PLCH1: variants seen among roughly 807,000 people sequenced by gnomAD.
PLCH1 encodes the protein phospholipase C eta 1, also known as 1-phosphatidylinositol 4,5-bisphosphate phosphodiesterase eta-1.
In PLCH1, 60 loss-of-function variants were observed where a neutral mutation model predicts 126.7. That is an observed-to-expected ratio of 0.47 (90% confidence interval 0.38 to 0.59). PLCH1 has a LOEUF of 0.59. PLCH1 is among the 20% of genes least tolerant of loss of function. The pLI, the probability that PLCH1 is intolerant of heterozygous loss-of-function variation, is 0.00. For missense variants in PLCH1, 1,723 were observed against 2,040.0 expected, an observed-to-expected ratio of 0.84 and a Z score of 2.99; for synonymous variants, 719 against 734.9, an observed-to-expected ratio of 0.98 and a Z score of 0.35.
chr3:155,544,801 G>T (rs1354529218), intron 10 of PLCH1, among the ~76,000 whole-genome samples: 2 of 151,016 alleles, frequency 1.3e-5, no homozygotes, highest in Non-Finnish European at 3.0e-5. Context: ...GGTACATAAC[G>T]AAATGAAGGC....
At chr3:155,617,526 A>G (rs1219302519) in intron 2 of PLCH1, among the ~76,000 whole-genome samples, 1 of 152,202 alleles carries the variant, frequency 6.6e-6, no homozygotes, top group East Asian at 1.9e-4. Flanking sequence ...TTAACAATGA[A>G]GTATACTCCT....
intron 2 of PLCH1, among the ~76,000 whole-genome samples, chr3:155,693,756 C>G (rs394440): frequency 0.4 from 60,580 of 151,870 alleles, 12,829 homozygotes; most frequent in African/African-American, 0.53. Context: ...ATGGTGAAAC[C>G]CCGTCTCAAC....
At chr3:155,631,902 C>CT (rs60843505) in intron 2 of PLCH1, among the ~76,000 whole-genome samples, 1,524 of 140,818 alleles carry the variant, frequency 0.011, 21 homozygotes, top group Non-Finnish European at 0.015. Flanking sequence ...ACAAGAACTC[C>CT]TTTTTTTTTT....
chr3:155,552,753 C>T (rs1250091972), intron 9 of PLCH1, among the ~76,000 whole-genome samples: 1 of 152,094 alleles, frequency 6.6e-6, no homozygotes, highest in African/African-American at 2.4e-5. Flanking sequence ...GGCTTTAAGA[C>T]AAGAATTGAA....
intron 2 of PLCH1, among the ~76,000 whole-genome samples, chr3:155,657,329 A>G (rs186559216): frequency 5.9e-5 from 9 of 152,226 alleles, no homozygotes; most frequent in Non-Finnish European, 1.2e-4. Flanking sequence ...AGAAAAGGGG[A>G]ACCTAGGAAG....
chr3:155,536,279 C>A lies in PLCH1; in HGVS notation c.1363-12275G>T, dbSNP rs113153293. Among the ~76,000 whole-genome samples the A allele has an allele frequency of 7.8e-4, 119 of 152,264 alleles. 3 individuals are homozygous for A. The highest frequency in any genetic ancestry group is 2.8e-3 in the African/African-American group (116 of 41,548). ...AAAAAGCAAGTTTCTTTAACACCCTCAAAAGATCACAATATCTCACCAAGA... is the reference window on the plus strand; with the variant it reads ...AAAAAGCAAGTTTCTTTAACACCCTAAAAAGATCACAATATCTCACCAAGA... On this transcript the variant is annotated intron_variant, in intron 10 of 22. Transcript: ENST00000460012.
At chr3:155,489,049 T>G (rs1715757989) in intron 19 of PLCH1, among the ~76,000 whole-genome samples, 2 of 152,238 alleles carry the variant, frequency 1.3e-5, no homozygotes, top group Admixed American at 6.5e-5. Context: ...TAATCTTTGA[T>G]GCCTAACTGT....
chr3:155,715,606 C>CTTTT (rs763813354), intron 1 of PLCH1, among the ~76,000 whole-genome samples: 5 of 122,758 alleles, frequency 4.1e-5, no homozygotes, highest in African/African-American at 9.3e-5. Context: ...CATCTGGCCT[C>CTTTT]TTTTTTTTTT....
chr3:155,733,945 A>ATATG (rs1486672543), intron 1 of PLCH1, among the ~76,000 whole-genome samples: 64 of 61,726 alleles, frequency 1.0e-3, no homozygotes, highest in South Asian at 5.3e-3. Flanking sequence ...ATATATATAT[A>ATATG]TATATATATA....
intron 10 of PLCH1, among the ~76,000 whole-genome samples, chr3:155,546,390 G>T (rs142041129): frequency 6.6e-6 from 1 of 152,026 alleles, no homozygotes; most frequent in Non-Finnish European, 1.5e-5. Flanking sequence ...AATTAAAGAG[G>T]ATACAAACAA....
intron 5 of PLCH1, 110 bp downstream of exon 5, chr3:155,585,955 A>G: frequency 2.4e-6 from 2 of 833,318 alleles, no homozygotes; most frequent in Admixed American, 2.2e-5. Context: ...AAAACAGTAC[A>G]GAGCACATAT....
At chr3:155,699,007 TTC>T (rs915500087) in intron 2 of PLCH1, among the ~76,000 whole-genome samples, 6 of 151,690 alleles carry the variant, frequency 4.0e-5, no homozygotes, top group African/African-American at 1.5e-4. Context: ...TTTTTAACTC[TTC>T]CTCTCAATTT....
intron 1 of PLCH1, among the ~76,000 whole-genome samples, chr3:155,729,924 C>CAAAA (rs11380418): frequency 8.6e-6 from 1 of 116,374 alleles, no homozygotes; most frequent in Non-Finnish European, 1.9e-5. Flanking sequence ...GACTCCATCT[C>CAAAA]AAAAAAAAAA....
In PLCH1 at chr3:155,594,204, C is replaced by A. The variant is rs1316694557; in HGVS notation, c.227-20G>T. ...TAAGTACTGTGAGGAAAATGAGATA[C>A]ACACAGTTATACAGCAGGCAAAGAT... On this transcript the variant is annotated intron_variant, in intron 3 of 22. Transcript: ENST00000460012. The A allele has an allele frequency of 9.3e-6, 15 of 1,608,332 alleles. No homozygotes were observed. Among genetic ancestry groups the A allele is most frequent in the African/African-American group, 1.4e-5 (1 of 73,886 alleles).
At chr3:155,622,512 G>A (rs1736649059) in intron 2 of PLCH1, among the ~76,000 whole-genome samples, 1 of 151,640 alleles carries the variant, frequency 6.6e-6, no homozygotes, top group African/African-American at 2.4e-5. Flanking sequence ...GTATTCAGGA[G>A]ACCCATCTCA....
At chr3:155,545,621 T>C (rs1285558264) in intron 10 of PLCH1, among the ~76,000 whole-genome samples, 1 of 152,166 alleles carries the variant, frequency 6.6e-6, no homozygotes, top group Non-Finnish European at 1.5e-5. Flanking sequence ...TTGATGAACA[T>C]CAATGCAAAA....
chr3:155,589,166 G>A (rs765874426), intron 4 of PLCH1, among the ~76,000 whole-genome samples: 6 of 152,150 alleles, frequency 3.9e-5, no homozygotes, highest in Non-Finnish European at 7.4e-5. Flanking sequence ...AGCATTGAAT[G>A]ATCCTATCTA....
chr3:155,741,693 T>TTTTTTATTTTTA, intron 1 of PLCH1, among the ~76,000 whole-genome samples: 2 of 145,652 alleles, frequency 1.4e-5, no homozygotes, highest in Non-Finnish European at 3.0e-5. Context: ...TCTTTTTTTT[T>TTTTTTATTTTTA]TTTTTTTTTT....
At chr3:155,465,101 T>C (rs1712877674) in intron 21 of PLCH1, among the ~76,000 whole-genome samples, 1 of 140,968 alleles carries the variant, frequency 7.1e-6, no homozygotes. Flanking sequence ...AGAGTGAGAC[T>C]CTGTCTCAAA....
Sources: gnomAD v4.1 joint callset for allele counts (sites outside exome capture counted in the v4.1 genomes callset) on GRCh38, gnomAD v4.1.1 for gene constraint, MANE v1.5 for transcripts, NCBI Gene and HGNC (gene_info 2026-07-23, HGNC 2026-07-21) for gene names.